Variants in HPSE2 observed in about 807,000 individuals in gnomAD.
HPSE2 encodes the protein heparanase 2 (inactive).
HPSE2 carries 38 observed loss-of-function variants against 60.5 expected under a neutral mutation model. That is an observed-to-expected ratio of 0.63 (90% CI 0.48 to 0.82). HPSE2 has a LOEUF of 0.82. Among genes scored for constraint, HPSE2 ranks in the 40% least tolerant of loss-of-function variants. The pLI, the probability that HPSE2 is intolerant of heterozygous loss-of-function variation, is 0.00. For synonymous variants in HPSE2, 295 were observed against 293.2 expected, an observed-to-expected ratio of 1.01 and a Z score of -0.06; for missense variants, 713 against 740.4, an observed-to-expected ratio of 0.96 and a Z score of 0.43.
chr10:98,716,475 A>G (rs1589695346), intron 5 of HPSE2, among the ~76,000 whole-genome samples: 1 of 119,900 alleles, frequency 8.3e-6, no homozygotes, highest in Non-Finnish European at 2.0e-5. Flanking sequence ...ATTTAAAAAA[A>G]TAATGCTATT....
Position 98,541,267 on chromosome 10 carries a change from G to A in HPSE2, c.1321-51071C>T, listed in dbSNP as rs372299306. 3.9e-5 allele frequency among the ~76,000 whole-genome samples: 6 copies of A among 152,264 alleles called. No individual in the cohort carries two copies. The South Asian group carries it at 1.2e-3, about 32-fold the overall frequency. ...GTACTGCATAAGACAAATTTCAAATGGAAGAATAATATTTATTAAAACATC... is the reference window on the plus strand; with the variant it reads ...GTACTGCATAAGACAAATTTCAAATAGAAGAATAATATTTATTAAAACATC... On this transcript the variant is annotated intron_variant, in intron 9 of 11. Transcript: ENST00000370552.
chr10:99,048,575 A>G (rs1348500102), intron 3 of HPSE2, among the ~76,000 whole-genome samples: 1 of 152,166 alleles, frequency 6.6e-6, no homozygotes, highest in Non-Finnish European at 1.5e-5. Flanking sequence ...AAGTCAAAAA[A>G]ACAAGATATA....
chr10:99,074,632 A>G (rs1197740962), intron 3 of HPSE2, among the ~76,000 whole-genome samples: 1 of 152,096 alleles, frequency 6.6e-6, no homozygotes, highest in African/African-American at 2.4e-5. Flanking sequence ...AAGGATCAGT[A>G]TTAGTTCTTC....
intron 3 of HPSE2, chr10:99,048,252 A>AT (rs1957905385): frequency 2.0e-5 from 11 of 542,554 alleles, no homozygotes; most frequent in South Asian, 1.9e-4. Flanking sequence ...AAAGAAGCAA[A>AT]TAACTTCCTG....
intron 3 of HPSE2, among the ~76,000 whole-genome samples, chr10:98,979,969 T>C (rs1445192215): frequency 2.0e-5 from 3 of 152,306 alleles, no homozygotes; most frequent in African/African-American, 7.2e-5. Flanking sequence ...CATTTTTGTA[T>C]GGCTTAGTTG....
At chr10:98,870,263 TG>T (rs1266712177) in intron 3 of HPSE2, among the ~76,000 whole-genome samples, 1 of 152,194 alleles carries the variant, frequency 6.6e-6, no homozygotes, top group Non-Finnish European at 1.5e-5. Flanking sequence ...ATAATTTAAT[TG>T]GCAACCAAAG....
intron 7 of HPSE2, among the ~76,000 whole-genome samples, chr10:98,622,796 G>A (rs752983091): frequency 3.3e-5 from 5 of 152,088 alleles, no homozygotes; most frequent in East Asian, 1.9e-4. Flanking sequence ...AAGAAGAGTC[G>A]TTTGAGGATA....
chr10:98,987,446 ACC>A (rs1244880350), intron 3 of HPSE2, among the ~76,000 whole-genome samples: 4 of 152,046 alleles, frequency 2.6e-5, no homozygotes, highest in African/African-American at 9.7e-5. Flanking sequence ...AAATTCAACA[ACC>A]CTTCATGCTA....
chr10:99,056,957 C>T (rs897837548), intron 3 of HPSE2, among the ~76,000 whole-genome samples: 4 of 151,942 alleles, frequency 2.6e-5, no homozygotes, highest in Non-Finnish European at 2.9e-5. Context: ...GTATTGAGAA[C>T]GTTAGGTTAA....
intron 3 of HPSE2, among the ~76,000 whole-genome samples, chr10:99,131,538 C>T (rs930705585): frequency 6.6e-6 from 1 of 151,880 alleles, no homozygotes; most frequent in East Asian, 1.9e-4. Flanking sequence ...AACACACATG[C>T]ACACCATGGA....
At chr10:98,626,945 T>C (rs1946232066) in intron 7 of HPSE2, among the ~76,000 whole-genome samples, 1 of 152,058 alleles carries the variant, frequency 6.6e-6, no homozygotes, top group African/African-American at 2.4e-5. Flanking sequence ...AGCTAATTTT[T>C]TGTATTTTTA....
At chr10:98,525,738 G>A (rs963100079) in intron 9 of HPSE2, among the ~76,000 whole-genome samples, 1 of 152,164 alleles carries the variant, frequency 6.6e-6, no homozygotes, top group East Asian at 1.9e-4. Context: ...GGAGTGGGAT[G>A]GGTTGGGGGG....
At chr10:98,492,351 A>T (rs1007224227) in intron 9 of HPSE2, among the ~76,000 whole-genome samples, 9 of 151,968 alleles carry the variant, frequency 5.9e-5, no homozygotes, top group Non-Finnish European at 1.2e-4. Flanking sequence ...AAATACAAAA[A>T]ATTAGCAGGG....
At chr10:98,897,274 T>C (rs1331901474) in intron 3 of HPSE2, among the ~76,000 whole-genome samples, 1 of 152,022 alleles carries the variant, frequency 6.6e-6, no homozygotes, top group Non-Finnish European at 1.5e-5. Flanking sequence ...ATCTCAGAAA[T>C]CTCCACTAAA....
rs61242355 is a variant in HPSE2, at chr10:99,227,900, C to CATAT, written c.448+4444_448+4447dup. On this transcript the variant is annotated intron_variant, in intron 2 of 11. Coordinates refer to ENST00000370552, the MANE Select transcript of HPSE2 (RefSeq NM_021828.5). ...GTGTGTGTGTGTGTGTGTGTATATA[C>CATAT]ATATATATATATATACATAAAATTA... is the stretch of plus-strand genomic sequence containing the variant. Among the ~76,000 whole-genome samples, 237 of 140,036 alleles carry CATAT rather than the reference C, an allele frequency of 1.7e-3. 1 individual carries two copies. Among genetic ancestry groups the CATAT allele is most frequent in the East Asian group, 0.012 (61 of 4,914 alleles). The allele number at this position is 140,036 out of a possible 152,430, so 91.9% of individuals were successfully genotyped here.
intron 9 of HPSE2, among the ~76,000 whole-genome samples, chr10:98,507,577 C>A (rs924741101): frequency 6.6e-6 from 1 of 152,054 alleles, no homozygotes; most frequent in Non-Finnish European, 1.5e-5. Flanking sequence ...TTTCTTAGCT[C>A]CATGTACCAT....
chr10:98,687,924 T>G (rs977001965), intron 6 of HPSE2, among the ~76,000 whole-genome samples: 3 of 152,204 alleles, frequency 2.0e-5, no homozygotes, highest in Non-Finnish European at 4.4e-5. Context: ...AATTACACTG[T>G]TTAGGACATT....
chr10:99,293,423 C>T, the HPSE2 span, among the ~76,000 whole-genome samples: 28 of 152,126 alleles, frequency 1.8e-4, no homozygotes, highest in African/African-American at 6.3e-4. Context: ...TTGCCTTTGT[C>T]ATATAAAAAT....
At chr10:99,143,981 T>A (rs1041953093) in intron 3 of HPSE2, among the ~76,000 whole-genome samples, 5 of 152,232 alleles carry the variant, frequency 3.3e-5, no homozygotes, top group African/African-American at 1.2e-4. Flanking sequence ...TCTACTGGCA[T>A]ACATTTAGAA....
Sources: gnomAD v4.1 joint callset for allele counts (sites outside exome capture counted in the v4.1 genomes callset) on GRCh38, gnomAD v4.1.1 for gene constraint, MANE v1.5 for transcripts, NCBI Gene and HGNC (gene_info 2026-07-23, HGNC 2026-07-21) for gene names.